Variants in IQSEC1 observed in about 807,000 individuals in gnomAD.
IQSEC1 encodes IQ motif and SEC7 domain-containing protein 1.
IQSEC1 carries 31 observed loss-of-function variants against 91.0 expected under a neutral mutation model. The ratio of observed to expected loss-of-function variants is 0.34; its 90% CI spans 0.26 to 0.46. IQSEC1 has a LOEUF of 0.46. Among genes scored for constraint, IQSEC1 ranks in the 20% least tolerant of loss-of-function variants. The probability of loss-of-function intolerance (pLI) is 1.00; values close to 1 mark genes in which losing one functional copy is unlikely to be tolerated. For missense variants in IQSEC1, 1,388 were observed against 1,575.6 expected, an observed-to-expected ratio of 0.88 and a Z score of 2.02; for synonymous variants, 699 against 662.6, an observed-to-expected ratio of 1.05 and a Z score of -0.84.
Position 13,175,495 on chromosome 3 carries a change from C to T in IQSEC1, c.273-11362G>A, listed in dbSNP as rs569561421. On this transcript the variant is annotated intron_variant, in intron 1 of 15. Transcript: ENST00000648114. Reference sequence around the variant, plus strand: ...AAGAACACAGGATCGCCCGGAAGCACGCTGAGTCCCTCAATGGCTCTAAAG... The same window carrying T: ...AAGAACACAGGATCGCCCGGAAGCATGCTGAGTCCCTCAATGGCTCTAAAG... Among the ~76,000 whole-genome samples, 307 of 152,312 alleles carry T rather than the reference C, an allele frequency of 2.0e-3. 1 individual carries two copies. In the Middle Eastern group the frequency reaches 0.061, roughly 30 times the overall value.
intron 1 of IQSEC1, among the ~76,000 whole-genome samples, chr3:13,254,864 G>T (rs58942679): frequency 0.048 from 7,330 of 152,216 alleles, 574 homozygotes; most frequent in African/African-American, 0.17. Context: ...AGCTTTCCCA[G>T]GCCGCAGAGT....
rs572253578 is a variant in IQSEC1, at chr3:13,121,233, C to T, written c.302+42871G>A. Among the ~76,000 whole-genome samples, 266 of 152,318 alleles carry T rather than the reference C, an allele frequency of 1.7e-3. 1 individual carries two copies. The highest frequency in any genetic ancestry group is 6.2e-3 in the African/African-American group (259 of 41,562). Reference sequence around the variant, plus strand: ...TCAGAGCTGAGTAGTTACGACAGGACCCCATGGCCCACAAAGCCTAAATAG... The same window carrying T: ...TCAGAGCTGAGTAGTTACGACAGGATCCCATGGCCCACAAAGCCTAAATAG... On this transcript the variant is annotated intron_variant, in intron 2 of 15. Transcript: ENST00000648114.
chr3:13,204,147 G>A (rs949272851), intron 1 of IQSEC1, among the ~76,000 whole-genome samples: 3 of 152,244 alleles, frequency 2.0e-5, no homozygotes, highest in Non-Finnish European at 4.4e-5. Context: ...CAGGGAAGAC[G>A]CCAAGCCCAG....
intron 1 of IQSEC1, among the ~76,000 whole-genome samples, chr3:12,962,536 G>A (rs537446133): frequency 9.1e-4 from 138 of 152,316 alleles, no homozygotes; most frequent in Non-Finnish European, 1.7e-3. Context: ...CCCCTCCCAT[G>A]GGATCCAGTT....
intron 2 of IQSEC1, among the ~76,000 whole-genome samples, chr3:13,080,973 C>CA (rs1182517129): frequency 6.6e-6 from 1 of 152,226 alleles, no homozygotes; most frequent in African/African-American, 2.4e-5. Flanking sequence ...AAAGCTCAAA[C>CA]AAATGTTAAG....
chr3:12,899,835 G>T lies in IQSEC1; in HGVS notation c.*1148C>A. 1.0e-6 allele frequency: 1 copy of T among 985,364 alleles called. No homozygotes were observed. The highest frequency in any genetic ancestry group is 1.2e-6 in the Non-Finnish European group (1 of 829,932). 61.0% of individuals were successfully genotyped at this position (985,364 alleles called of 1,614,324 possible). A position where few individuals can be genotyped will look rare whatever the true frequency, so the allele number is the denominator to read the frequency against. On this transcript the variant is annotated 3_prime_UTR_variant, in exon 14 of 14. Transcript: ENST00000613206. ...TGGTGTGGGTTGGAGGCGGGATGAGGACGTTATGGTGTTGGGGAGACGAGG... is the reference window on the plus strand; with the variant it reads ...TGGTGTGGGTTGGAGGCGGGATGAGTACGTTATGGTGTTGGGGAGACGAGG...
intron 1 of IQSEC1, among the ~76,000 whole-genome samples, chr3:13,038,262 GTATATATATATATATATA>G (rs58338571): frequency 5.9e-5 from 6 of 101,236 alleles, no homozygotes; most frequent in East Asian, 3.6e-4. Flanking sequence ...GTGTGTGTGT[GTATATATATATATATATA>G]TATATATATA....
At chr3:13,124,863 G>C (rs144917472) in intron 2 of IQSEC1, among the ~76,000 whole-genome samples, 1 of 152,226 alleles carries the variant, frequency 6.6e-6, no homozygotes, top group Non-Finnish European at 1.5e-5. Flanking sequence ...GCCAGCAGTC[G>C]TTCAGCATTA....
chr3:13,049,560 A>G (rs1255231816), intron 1 of IQSEC1, among the ~76,000 whole-genome samples: 2 of 152,148 alleles, frequency 1.3e-5, no homozygotes, highest in Non-Finnish European at 2.9e-5. Flanking sequence ...ACGGAACACC[A>G]TTCCATTCCC....
chr3:13,091,816 T>G (rs1705866272), intron 2 of IQSEC1, among the ~76,000 whole-genome samples: 1 of 151,988 alleles, frequency 6.6e-6, no homozygotes, highest in Non-Finnish European at 1.5e-5. Flanking sequence ...TGTGGCACAT[T>G]TGGGGAGTCT....
chr3:13,123,037 T>G (rs548976214), intron 2 of IQSEC1, among the ~76,000 whole-genome samples: 1 of 152,204 alleles, frequency 6.6e-6, no homozygotes, highest in African/African-American at 2.4e-5. Context: ...TATGGCTCTC[T>G]CTATTTTAAT....
chr3:13,001,633 G>A lies in IQSEC1; in HGVS notation c.24-59768C>T, dbSNP rs552905830. Among the ~76,000 whole-genome samples, 33 of 152,332 alleles carry A rather than the reference G, an allele frequency of 2.2e-4. No individual in the cohort carries two copies. The South Asian group carries it at 3.7e-3, about 17-fold the overall frequency. On this transcript the variant is annotated intron_variant, in intron 1 of 13. Coordinates refer to ENST00000613206, the MANE Select transcript of IQSEC1 (RefSeq NM_001134382.3). ...TTGTTAAAATGGGGGAGGAGTTTTC[G>A]TCTTCACGAAAATGATGTTTAAAAA...
chr3:12,921,147 T>G (rs1575911326), intron 5 of IQSEC1, among the ~76,000 whole-genome samples: 1 of 151,902 alleles, frequency 6.6e-6, no homozygotes, highest in Non-Finnish European at 1.5e-5. Context: ...CCACTCCCGC[T>G]GCCACCCCAG....
intron 1 of IQSEC1, among the ~76,000 whole-genome samples, chr3:13,052,101 C>T (rs1704712153): frequency 6.6e-6 from 1 of 152,186 alleles, no homozygotes; most frequent in Non-Finnish European, 1.5e-5. Context: ...GCCTGTGTGT[C>T]CACATGGTTC....
chr3:13,109,941 G>A (rs1480735985), intron 2 of IQSEC1, among the ~76,000 whole-genome samples: 1 of 145,416 alleles, frequency 6.9e-6, no homozygotes, highest in Admixed American at 6.9e-5. Flanking sequence ...TGAGTGCAGT[G>A]GCGTGATCTC....
intron 2 of IQSEC1, among the ~76,000 whole-genome samples, chr3:13,094,188 G>A (rs911465485): frequency 6.6e-6 from 1 of 152,236 alleles, no homozygotes; most frequent in Non-Finnish European, 1.5e-5. Flanking sequence ...TCGTATCACA[G>A]TGGAGAAGCC....
intron 1 of IQSEC1, among the ~76,000 whole-genome samples, chr3:13,240,335 C>A (rs936980478): frequency 6.6e-6 from 1 of 152,118 alleles, no homozygotes; most frequent in African/African-American, 2.4e-5. Context: ...GACAGCACTG[C>A]ACTCCAGCCT....
Position 12,940,476 on chromosome 3 carries a change from C to CG in IQSEC1, c.318+1094dup. 6.8e-6 allele frequency among the ~76,000 whole-genome samples: 1 copy of CG among 147,308 alleles called. No homozygotes were observed. Among genetic ancestry groups the CG allele is most frequent in the East Asian group, 2.1e-4 (1 of 4,738 alleles). The stretch of plus-strand genomic sequence containing the variant: ...GATCTGGGAGCAAGCAGAGGGCGGG[C>CG]GGGGCCACAGGATGGGTGTGGGTGG... On this transcript the variant is annotated intron_variant, in intron 2 of 13. Transcript: ENST00000613206. The surrounding 1 kb of genome is among the most constrained non-coding windows in gnomAD (Gnocchi z 4.4).
chr3:13,235,568 T>A (rs1181555640), intron 1 of IQSEC1, among the ~76,000 whole-genome samples: 1 of 152,118 alleles, frequency 6.6e-6, no homozygotes, highest in Non-Finnish European at 1.5e-5. Flanking sequence ...CTGAGACTGC[T>A]GGAGGTGGGT....
Sources: allele counts gnomAD v4.1 joint callset (sites outside exome capture counted in the v4.1 genomes callset), GRCh38; gene constraint gnomAD v4.1.1; non-coding constraint Gnocchi (gnomAD v3.1); transcripts MANE v1.5; gene names NCBI Gene and HGNC (gene_info 2026-07-23, HGNC 2026-07-21).